The following ATP2B2 variants were observed in gnomAD, a reference collection of about 807,000 sequenced individuals.
ATP2B2 encodes ATPase plasma membrane Ca2+ transporting 2.
A neutral mutation model predicts 120.0 loss-of-function variants in ATP2B2; 15 were observed. The observed-to-expected ratio is 0.12, with a 90% CI of 0.08 to 0.19. The LOEUF (loss-of-function observed/expected upper bound fraction) is 0.19. Ranked by LOEUF, ATP2B2 falls within the 10% of genes least tolerant of loss-of-function variation. The pLI, the probability that ATP2B2 is intolerant of heterozygous loss-of-function variation, is 1.00. For synonymous variants in ATP2B2, 694 were observed against 700.3 expected, an observed-to-expected ratio of 0.99 and a Z score of 0.14; for missense variants, 1,045 against 1,719.8, an observed-to-expected ratio of 0.61 and a Z score of 6.94.
chr3:10,664,693 A>G (rs772561387), intron 1 of ATP2B2, among the ~76,000 whole-genome samples: 14 of 152,198 alleles, frequency 9.2e-5, no homozygotes, highest in Non-Finnish European at 2.1e-4. Flanking sequence ...CTCAGAGGTA[A>G]GAGAGATGAT....
intron 3 of ATP2B2, among the ~76,000 whole-genome samples, chr3:10,518,231 A>T (rs1295964901): frequency 1.3e-5 from 2 of 152,208 alleles, no homozygotes; most frequent in Non-Finnish European, 2.9e-5. Flanking sequence ...TATCTTAAGC[A>T]TTCATAGTCA....
intron 2 of ATP2B2, among the ~76,000 whole-genome samples, chr3:10,610,076 T>TATAC (rs34931966): frequency 6.8e-6 from 1 of 146,610 alleles, no homozygotes; most frequent in Non-Finnish European, 1.5e-5. Flanking sequence ...TATACACACA[T>TATAC]ACACACACAC....
intron 1 of ATP2B2, among the ~76,000 whole-genome samples, chr3:10,681,521 C>T (rs2071383575): frequency 6.6e-6 from 1 of 152,258 alleles, no homozygotes; most frequent in Non-Finnish European, 1.5e-5. Context: ...CACTCGCTCA[C>T]TCACCTGTTC....
At chr3:10,373,306 A>G (rs1459144304) in intron 11 of ATP2B2, among the ~76,000 whole-genome samples, 1 of 152,244 alleles carries the variant, frequency 6.6e-6, no homozygotes, top group Non-Finnish European at 1.5e-5. Flanking sequence ...AGGGGTTTAA[A>G]GCTGGGATTT....
intron 3 of ATP2B2, among the ~76,000 whole-genome samples, chr3:10,406,244 C>T (rs1367103363): frequency 6.6e-6 from 1 of 152,184 alleles, no homozygotes. Flanking sequence ...CCCAGCTTGG[C>T]CCAGTGGTTT....
chr3:10,413,587 C>T (rs1236780506), intron 2 of ATP2B2, among the ~76,000 whole-genome samples: 1 of 152,200 alleles, frequency 6.6e-6, no homozygotes, highest in East Asian at 1.9e-4. Context: ...AACACTTCCT[C>T]CACTGTTCTG....
At chr3:10,561,882 C>T (rs751509876) in intron 2 of ATP2B2, among the ~76,000 whole-genome samples, 1 of 152,150 alleles carries the variant, frequency 6.6e-6, no homozygotes, top group Non-Finnish European at 1.5e-5. Flanking sequence ...TTATTAGCAG[C>T]ATGAGAATAG....
chr3:10,511,640 T>C (rs1370534929), intron 3 of ATP2B2, among the ~76,000 whole-genome samples: 1 of 152,068 alleles, frequency 6.6e-6, no homozygotes, highest in Non-Finnish European at 1.5e-5. Flanking sequence ...TCCACTCAGA[T>C]CCCACTGCCC....
intron 1 of ATP2B2, among the ~76,000 whole-genome samples, chr3:10,683,708 A>G (rs2125705406): frequency 6.9e-6 from 1 of 144,060 alleles, no homozygotes; most frequent in Admixed American, 7.0e-5. Context: ...ATATGTATAT[A>G]TGTATATACA....
chr3:10,509,386 C>G (rs1207504674), upstream of ATP2B2, among the ~76,000 whole-genome samples: 1 of 152,172 alleles, frequency 6.6e-6, no homozygotes, highest in Non-Finnish European at 1.5e-5. Context: ...AAAGAGCTGT[C>G]AGCTGGGTTC....
intron 1 of ATP2B2, among the ~76,000 whole-genome samples, chr3:10,478,886 G>A (rs1420593942): frequency 6.6e-6 from 1 of 152,094 alleles, no homozygotes. Context: ...TGGATCATGG[G>A]GGTGGTTTTC....
intron 13 of ATP2B2, 107 bp downstream of exon 13, chr3:10,359,775 G>A: frequency 6.5e-7 from 1 of 1,527,454 alleles, no homozygotes; most frequent in Non-Finnish European, 9.0e-7. Context: ...AGCCGGGCAG[G>A]CTGCTGAGCC....
chr3:10,436,848 C>T (rs55788528), intron 2 of ATP2B2, among the ~76,000 whole-genome samples: 36,368 of 152,158 alleles, frequency 0.24, 5,688 homozygotes, highest in Non-Finnish European at 0.35. Flanking sequence ...ACATGGGGTA[C>T]ATTCTAGATG....
intron 2 of ATP2B2, among the ~76,000 whole-genome samples, chr3:10,416,841 G>C (rs2062800910): frequency 6.6e-6 from 1 of 151,986 alleles, no homozygotes; most frequent in Non-Finnish European, 1.5e-5. Flanking sequence ...TCACACAAAA[G>C]GCTGTGATTT....
At chr3:10,372,118 G>C (rs759473154) in intron 11 of ATP2B2, 67 bp from the exon 12 acceptor site, 1 of 1,607,882 alleles carries the variant, frequency 6.2e-7, no homozygotes, top group Non-Finnish European at 8.5e-7. Context: ...GGTGCCTGGA[G>C]GCACTGGGTA....
intron 2 of ATP2B2, among the ~76,000 whole-genome samples, chr3:10,606,958 G>T (rs1448635324): frequency 1.0e-5 from 1 of 95,480 alleles, no homozygotes; most frequent in Non-Finnish European, 2.1e-5. Context: ...GAGGGGGAGG[G>T]GGGGAGAGAG....
Position 10,683,760 on chromosome 3 carries a change from GTATATATATATATATATATATA to G in ATP2B2, c.-460+24133_-460+24154del, listed in dbSNP as rs71055831. On this transcript the variant is annotated intron_variant, in intron 1 of 21. Transcript: ENST00000646379. ...TATGTGTATATATATGTGTGTGTGT[GTATATATATATATATATATATA>G]TATATATATATATATATATATATGT... 8.0e-4 allele frequency among the ~76,000 whole-genome samples: 43 copies of G among 53,902 alleles called. 4 individuals are homozygous for G. The highest frequency in any genetic ancestry group is 9.6e-3 in the Middle Eastern group (1 of 104). 35.4% of individuals were successfully genotyped at this position (53,902 alleles called of 152,430 possible).
chr3:10,386,113 C>T (rs1161407442), intron 7 of ATP2B2, among the ~76,000 whole-genome samples: 4 of 152,158 alleles, frequency 2.6e-5, no homozygotes, highest in Non-Finnish European at 4.4e-5. Flanking sequence ...CACACTGTTG[C>T]GTGAGGGCAT....
At chr3:10,447,638 C>T (rs192245172) in intron 2 of ATP2B2, among the ~76,000 whole-genome samples, 1 of 152,316 alleles carries the variant, frequency 6.6e-6, no homozygotes, top group African/African-American at 2.4e-5. Context: ...TTGAACAACC[C>T]TGCCTGCCAG....
Sources: gnomAD v4.1 joint callset for allele counts (sites outside exome capture counted in the v4.1 genomes callset) on GRCh38, gnomAD v4.1.1 for gene constraint, MANE v1.5 for transcripts, NCBI Gene and HGNC (gene_info 2026-07-23, HGNC 2026-07-21) for gene names.